The following PCBP3 variants were observed in gnomAD, a reference collection of about 807,000 sequenced individuals.
PCBP3 encodes poly(rC) binding protein 3.
Under a neutral mutation model 52.7 loss-of-function variants are expected in PCBP3, and 25 were observed. That is an observed-to-expected ratio of 0.47 (90% CI 0.35 to 0.66). PCBP3 has a LOEUF of 0.66. Among genes scored for constraint, PCBP3 ranks in the 30% least tolerant of loss-of-function variants. The pLI, the probability that PCBP3 is intolerant of heterozygous loss-of-function variation, is 0.01. For synonymous variants in PCBP3, 162 were observed against 183.0 expected (o/e 0.89, Z 0.93); for missense variants, 391 against 490.3 (o/e 0.80, Z 1.91).
At chr21:45,819,683 T>C (rs1040097519) in intron 4 of PCBP3, among the ~76,000 whole-genome samples, 1 of 152,196 alleles carries the variant, frequency 6.6e-6, no homozygotes, top group African/African-American at 2.4e-5. Flanking sequence ...TGGGGAAGGC[T>C]CCTGGGGACT....
intron 4 of PCBP3, among the ~76,000 whole-genome samples, chr21:45,778,771 G>A (rs935906901): frequency 9.2e-5 from 14 of 152,134 alleles, no homozygotes; most frequent in African/African-American, 3.4e-4. Context: ...GGGCTGGGTG[G>A]GCTTGTGTTC....
At chr21:45,850,478 G>A (rs989361989) in intron 5 of PCBP3, among the ~76,000 whole-genome samples, 1 of 152,168 alleles carries the variant, frequency 6.6e-6, no homozygotes, top group Non-Finnish European at 1.5e-5. Context: ...AGTAGGTAAT[G>A]AGAGCATCAG....
intron 9 of PCBP3, among the ~76,000 whole-genome samples, chr21:45,903,888 G>A (rs1446809708): frequency 6.6e-6 from 1 of 152,142 alleles, no homozygotes; most frequent in African/African-American, 2.4e-5. Context: ...CTGTGTGGGA[G>A]TCTTTTTCTA....
At position 45,686,589 on chromosome 21, in the gene PCBP3, A is replaced by T. The variant is rs562811501; in HGVS notation, c.-200+17637A>T. Among the ~76,000 whole-genome samples, 8 of 152,344 alleles carry T rather than the reference A, an allele frequency of 5.3e-5. No individual in the cohort carries two copies. In the East Asian group the frequency reaches 1.5e-3, roughly 29 times the overall value. ...AACAAGAGGAAAAGCAGTCAATAGG[A>T]ACAGACCCTGAAAGGTAGAGATGAT... On this transcript the variant is annotated intron_variant, in intron 2 of 17. Coordinates refer to ENST00000681687, the MANE Select transcript of PCBP3 (RefSeq NM_001384156.1).
chr21:45,885,956 T>C (rs1039557631), intron 5 of PCBP3, among the ~76,000 whole-genome samples: 12 of 152,252 alleles, frequency 7.9e-5, no homozygotes, highest in Non-Finnish European at 1.5e-4. Context: ...ACCTTCTGGA[T>C]ATTACGTTAT....
At chr21:45,748,698 G>A (rs962432631) in intron 3 of PCBP3, among the ~76,000 whole-genome samples, 1 of 152,242 alleles carries the variant, frequency 6.6e-6, no homozygotes, top group Non-Finnish European at 1.5e-5. Context: ...GTTGCAGTTG[G>A]GGGCAGGTGT....
At chr21:45,922,531 G>A (rs2074586448) in intron 13 of PCBP3, among the ~76,000 whole-genome samples, 1 of 152,148 alleles carries the variant, frequency 6.6e-6, no homozygotes, top group African/African-American at 2.4e-5. Context: ...CTCCAGCCTG[G>A]GCGACAGAGC....
intron 9 of PCBP3, among the ~76,000 whole-genome samples, chr21:45,903,187 G>A (rs2096111313): frequency 6.6e-6 from 1 of 152,122 alleles, no homozygotes. Flanking sequence ...GGGAAGGGCT[G>A]TTGCTCAGGA....
chr21:45,825,439 G>C (rs1400965945), intron 4 of PCBP3, among the ~76,000 whole-genome samples: 1 of 152,088 alleles, frequency 6.6e-6, no homozygotes, highest in African/African-American at 2.4e-5. Context: ...TGGCCCTCCT[G>C]TGTGACCCGT....
At chr21:45,706,033 C>T (rs2083428903) in intron 2 of PCBP3, among the ~76,000 whole-genome samples, 1 of 152,246 alleles carries the variant, frequency 6.6e-6, no homozygotes, top group African/African-American at 2.4e-5. Context: ...CCATTCAAGA[C>T]ACTCAGTTGT....
At chr21:45,933,143 G>C (rs139557614) in intron 15 of PCBP3, among the ~76,000 whole-genome samples, 1 of 151,440 alleles carries the variant, frequency 6.6e-6, no homozygotes, top group Non-Finnish European at 1.5e-5. Context: ...TGGCCATGCT[G>C]TCTTGAGATG....
intron 2 of PCBP3, among the ~76,000 whole-genome samples, chr21:45,711,288 A>G (rs1013947569): frequency 3.9e-5 from 6 of 152,226 alleles, no homozygotes; most frequent in African/African-American, 1.4e-4. Context: ...ATATTTCTAT[A>G]TGTAACCATC....
Position 45,731,125 on chromosome 21 carries a change from A to G in PCBP3, c.-199-4267A>G, listed in dbSNP as rs540196742. On this transcript the variant is annotated intron_variant, in intron 2 of 17. Coordinates refer to ENST00000681687, the MANE Select transcript of PCBP3 (RefSeq NM_001384156.1). The stretch of plus-strand genomic sequence containing the variant: ...CCCCTTTTTTCTCTCATTCTCCTTT[A>G]TTTTGGATTGAGTACTTTCTATGAT... Among the ~76,000 whole-genome samples the G allele has an allele frequency of 3.3e-5, 5 of 151,974 alleles. No individual in the cohort carries two copies. In the South Asian group the frequency reaches 1.0e-3, roughly 32 times the overall value.
chr21:45,845,008 T>G (rs1159736573), intron 4 of PCBP3, among the ~76,000 whole-genome samples: 1 of 152,110 alleles, frequency 6.6e-6, no homozygotes, highest in Non-Finnish European at 1.5e-5. Flanking sequence ...TCTTAGACTT[T>G]TTTACTGGGT....
At chr21:45,927,269 ACC>A (rs913272924) in intron 13 of PCBP3, among the ~76,000 whole-genome samples, 1 of 19,532 alleles carries the variant, frequency 5.1e-5, no homozygotes, top group Non-Finnish European at 1.1e-4. Context: ...CCATCCTCCT[ACC>A]CTCCTCTCCC....
chr21:45,903,746 T>A (rs766312273), intron 9 of PCBP3, among the ~76,000 whole-genome samples: 14 of 152,010 alleles, frequency 9.2e-5, no homozygotes, highest in Non-Finnish European at 1.9e-4. Flanking sequence ...CAGACAGAGG[T>A]CTTGTCAGGA....
intron 4 of PCBP3, among the ~76,000 whole-genome samples, chr21:45,840,894 T>C (rs1427417631): frequency 6.6e-6 from 1 of 152,204 alleles, no homozygotes; most frequent in African/African-American, 2.4e-5. Flanking sequence ...GGATTACAGA[T>C]GTGAGCCACT....
At chr21:45,646,060 TC>T (rs2079234832) in intron 1 of PCBP3, among the ~76,000 whole-genome samples, 3 of 114,720 alleles carry the variant, frequency 2.6e-5, no homozygotes, top group Non-Finnish European at 5.3e-5. Context: ...TGTTTCTCTC[TC>T]TCTCTCTCTC....
chr21:45,863,453 G>A (rs572006111), intron 5 of PCBP3, among the ~76,000 whole-genome samples: 62 of 152,324 alleles, frequency 4.1e-4, no homozygotes, highest in African/African-American at 1.1e-3. Flanking sequence ...CTACAGGCTC[G>A]CCGGGCTGTT....
Sources: allele counts gnomAD v4.1 joint callset (sites outside exome capture counted in the v4.1 genomes callset), GRCh38; gene constraint gnomAD v4.1.1; transcripts MANE v1.5; gene names NCBI Gene and HGNC (gene_info 2026-07-23, HGNC 2026-07-21).